The following KLHL42 variants were observed in gnomAD, a reference collection of about 807,000 sequenced individuals.
KLHL42 encodes the protein kelch-like protein 42.
KLHL42 carries 27 observed loss-of-function variants against 32.7 expected under a neutral mutation model. That is an observed-to-expected ratio of 0.83 (90% CI 0.61 to 1.14). The LOEUF is 1.14. Among genes scored for constraint, KLHL42 ranks in the 50% most tolerant of loss-of-function variants. KLHL42 has a pLI of 0.00. For synonymous variants in KLHL42, 267 were observed against 248.2 expected (o/e 1.08, Z -0.71); for missense variants, 491 against 560.8 (o/e 0.88, Z 1.26).
At chr12:27,794,859 C>G (rs568300738) in intron 2 of KLHL42, among the ~76,000 whole-genome samples, 1 of 151,242 alleles carries the variant, frequency 6.6e-6, no homozygotes, top group Admixed American at 6.6e-5. Flanking sequence ...CAATGTCCCT[C>G]TCTGGTGACT....
rs1180458528 is a variant in KLHL42 at position 27,801,338 on chromosome 12, A to G, written c.*3172A>G. Reference sequence around the variant, plus strand: ...TCAAGTAAATACCTGTTCTCTTTCAATGGACTGTTGCCTATTGAGCATTGT... The same window carrying G: ...TCAAGTAAATACCTGTTCTCTTTCAGTGGACTGTTGCCTATTGAGCATTGT... On this transcript the variant is annotated 3_prime_UTR_variant, in exon 3 of 3. Coordinates refer to ENST00000381271, the MANE Select transcript of KLHL42 (RefSeq NM_020782.2). 4 of 152,222 alleles carry G rather than the reference A, an allele frequency of 2.6e-5. No individual in the cohort carries two copies. Among genetic ancestry groups the G allele is most frequent in the East Asian group, 3.9e-4 (2 of 5,192 alleles). 9.4% of individuals were successfully genotyped at this position (152,222 alleles called of 1,614,324 possible). A position where few individuals can be genotyped will look rare whatever the true frequency, so the allele number is the denominator to read the frequency against.
rs772838163 is a variant in KLHL42, at chr12:27,795,888, A to G, written c.1067-1827A>G. On this transcript the variant is annotated intron_variant, in intron 2 of 2. Transcript: ENST00000381271. ...CAACTCAGGCCACCTTGTTGAGTGAAGAGAGAAAACATTTACAGAACACCT... is the reference window on the plus strand; with the variant it reads ...CAACTCAGGCCACCTTGTTGAGTGAGGAGAGAAAACATTTACAGAACACCT... 1.1e-4 allele frequency among the ~76,000 whole-genome samples: 17 copies of G among 152,200 alleles called. 1 individual carries two copies. The highest frequency in any genetic ancestry group is 2.1e-4 in the Non-Finnish European group (14 of 68,040).
chr12:27,793,395 T>A (rs1357399108), intron 2 of KLHL42, among the ~76,000 whole-genome samples: 1 of 151,272 alleles, frequency 6.6e-6, no homozygotes, highest in Admixed American at 6.6e-5. Flanking sequence ...ATAAAAAAAT[T>A]AGCTGGTTGT....
At position 27,802,434 on chromosome 12, in the gene KLHL42, G is replaced by A. The variant is rs963197688; in HGVS notation, c.*4268G>A. On this transcript the variant is annotated 3_prime_UTR_variant, in exon 3 of 3. Transcript: ENST00000381271. Reference sequence around the variant, plus strand: ...TACTGATGAAAAGGTGGTTGATTTTGCCTTGTGATAATTATCAAAGGATAG... The same window carrying A: ...TACTGATGAAAAGGTGGTTGATTTTACCTTGTGATAATTATCAAAGGATAG... The A allele has an allele frequency of 6.6e-6, 1 of 152,420 alleles. No homozygotes were observed. The highest frequency in any genetic ancestry group is 2.4e-5 in the African/African-American group (1 of 41,432). The allele number at this position is 152,420 out of a possible 1,614,324, so 9.4% of individuals were successfully genotyped here.
intron 1 of KLHL42, among the ~76,000 whole-genome samples, chr12:27,786,050 C>A (rs1425783238): frequency 6.6e-6 from 1 of 152,152 alleles, no homozygotes; most frequent in Non-Finnish European, 1.5e-5. Flanking sequence ...GGCTGTTAGG[C>A]AGGTTCCCAT....
At chr12:27,790,005 G>C (rs186440688) in intron 1 of KLHL42, among the ~76,000 whole-genome samples, 1 of 152,186 alleles carries the variant, frequency 6.6e-6, no homozygotes, top group African/African-American at 2.4e-5. Flanking sequence ...TAATGCATCA[G>C]TTTTATTGAA....
chr12:27,797,794 C>T lies in KLHL42; in HGVS notation c.1146C>T (p.Arg382=), dbSNP rs995207479. ...TLFETCDVHI[R]KQQMVSVEET... is the part of the protein sequence containing the mutation. ...TTGAAACATGTGACGTCCACATTCG[C>T]AAGCAGCAGATGGTGTCTGTGGAAG... is the stretch of plus-strand genomic sequence containing the variant. Residue 382 remains arginine, a synonymous_variant, in exon 3 of 3, where the codon CGC becomes CGT. Coordinates refer to ENST00000381271, the MANE Select transcript of KLHL42 (RefSeq NM_020782.2). The T allele has an allele frequency of 9.2e-6, 7 of 761,494 alleles. No individual in the cohort carries two copies. Among genetic ancestry groups the T allele is most frequent in the Admixed American group, 1.7e-5 (1 of 57,716 alleles). The allele number at this position is 761,494 out of a possible 1,614,324, so 47.2% of individuals were successfully genotyped here.
At chr12:27,786,012 A>G (rs532182974) in intron 1 of KLHL42, among the ~76,000 whole-genome samples, 1 of 152,316 alleles carries the variant, frequency 6.6e-6, no homozygotes, top group East Asian at 1.9e-4. Flanking sequence ...GCTGCTTTGC[A>G]TGAATTATCT....
rs1234168248 is a variant in KLHL42 at position 27,798,504 on chromosome 12, A to G, written c.*338A>G. 8.1e-6 allele frequency: 2 copies of G among 247,698 alleles called. No individual in the cohort carries two copies. The highest frequency in any genetic ancestry group is 1.6e-5 in the Non-Finnish European group (2 of 127,554). 15.3% of individuals were successfully genotyped at this position (247,698 alleles called of 1,614,324 possible). ...AAGTCAATAATTGGGACAAATGGTAAAGATGATTTTAAAATCTGTTGTATT... is the reference window on the plus strand; with the variant it reads ...AAGTCAATAATTGGGACAAATGGTAGAGATGATTTTAAAATCTGTTGTATT... On this transcript the variant is annotated 3_prime_UTR_variant, in exon 3 of 3. Transcript: ENST00000381271.
At chr12:27,781,549 A>C (rs1218498276) in intron 1 of KLHL42, among the ~76,000 whole-genome samples, 8 of 152,174 alleles carry the variant, frequency 5.3e-5, no homozygotes, top group Non-Finnish European at 1.2e-4. Flanking sequence ...AATTTGTCTT[A>C]GTTTTTAGGA....
intron 2 of KLHL42, among the ~76,000 whole-genome samples, chr12:27,796,533 G>GA (rs59545583): frequency 1 from 152,299 of 152,302 alleles, 76,148 homozygotes; most frequent in Middle Eastern, 1. Flanking sequence ...GAGGAGAAAA[G>GA]AAAAGAGAAC....
At position 27,797,882 on chromosome 12, in the gene KLHL42, AGCGAGGACAT is replaced by A; in HGVS notation, c.1237_1246del (p.Glu413SerfsTer27). 1 of 780,948 alleles carries A rather than the reference AGCGAGGACAT, an allele frequency of 1.3e-6. No homozygotes were observed. The highest frequency in any genetic ancestry group is 2.4e-6 in the Non-Finnish European group (1 of 418,088). The allele number at this position is 780,948 out of a possible 1,614,324, so 48.4% of individuals were successfully genotyped here. A position where few individuals can be genotyped will look rare whatever the true frequency, so the allele number is the denominator to read the frequency against. On this transcript the variant is annotated frameshift_variant, in exon 3 of 3. Coordinates refer to ENST00000381271, the MANE Select transcript of KLHL42 (RefSeq NM_020782.2). LOFTEE classifies it high-confidence loss of function. The stretch of plus-strand genomic sequence containing the variant: ...GGGGCCCAACCGCAGGAGCAGCCAG[AGCGAGGACAT>A]GCTCACCGTGCAGTCCTACAACACC...
intron 1 of KLHL42, among the ~76,000 whole-genome samples, chr12:27,781,773 A>G (rs1013429139): frequency 4.6e-5 from 7 of 152,200 alleles, no homozygotes; most frequent in Non-Finnish European, 1.0e-4. Context: ...CTGGACAGCC[A>G]TCGTCATGAC....
chr12:27,798,141 A>T lies in KLHL42; in HGVS notation c.1493A>T (p.Tyr498Phe), dbSNP rs1456526390. The T allele has an allele frequency of 1.3e-6, 1 of 780,136 alleles. No individual in the cohort carries two copies. The highest frequency in any genetic ancestry group is 2.4e-5 in the East Asian group (1 of 41,256). 48.3% of individuals were successfully genotyped at this position (780,136 alleles called of 1,614,324 possible). Residue 498 changes from tyrosine to phenylalanine, a missense_variant, in exon 3 of 3, where the codon TAT (tyrosine) becomes TTT (phenylalanine). By Grantham distance (22) the Tyr-to-Phe change is conservative. Transcript: ENST00000381271. The stretch of plus-strand genomic sequence containing the variant: ...CATAACTTGCTGGTTTCTTCTCTTT[A>T]TCTGCCCAATAAAGCAGAAACATGA... ...FGHNLLVSSL[Y>F]LPNKAET is the part of the protein sequence containing the mutation.
chr12:27,784,317 A>G (rs1028652373), intron 1 of KLHL42, among the ~76,000 whole-genome samples: 1 of 135,608 alleles, frequency 7.4e-6, no homozygotes, highest in African/African-American at 2.8e-5. Context: ...TTTTTTTTGT[A>G]TTTTTAGTAG....
At chr12:27,792,509 CTATT>C (rs1419082249) in intron 2 of KLHL42, among the ~76,000 whole-genome samples, 2 of 152,092 alleles carry the variant, frequency 1.3e-5, no homozygotes, top group Non-Finnish European at 2.9e-5. Flanking sequence ...GTTGTACTAT[CTATT>C]TATTTGTTTA....
At chr12:27,786,973 C>T (rs746917312) in intron 1 of KLHL42, among the ~76,000 whole-genome samples, 1 of 151,796 alleles carries the variant, frequency 6.6e-6, no homozygotes, top group Non-Finnish European at 1.5e-5. Flanking sequence ...GATCTGCCTG[C>T]CTTGGCCTCC....
chr12:27,787,507 A>G (rs1023529019), intron 1 of KLHL42: 1 of 153,948 alleles, frequency 6.5e-6, no homozygotes, highest in African/African-American at 2.4e-5. Context: ...AAAAAAAAAA[A>G]AAAAAAGCTT....
In KLHL42 at chr12:27,798,249, T is replaced by C; in HGVS notation, c.*83T>C. 1.5e-6 allele frequency: 1 copy of C among 688,586 alleles called. No homozygotes were observed. Among genetic ancestry groups the C allele is most frequent in the Non-Finnish European group, 2.6e-6 (1 of 382,372 alleles). The allele number at this position is 688,586 out of a possible 1,614,324, so 42.7% of individuals were successfully genotyped here. A position where few individuals can be genotyped will look rare whatever the true frequency, so the allele number is the denominator to read the frequency against. ...TCCCATTCCAAGGGAGACCAATTCC[T>C]AAAGGGTAAAGAAGGGTTAAAGTAG... On this transcript the variant is annotated 3_prime_UTR_variant, in exon 3 of 3. Transcript: ENST00000381271.
Sources: gnomAD v4.1 joint callset for allele counts (sites outside exome capture counted in the v4.1 genomes callset) on GRCh38, gnomAD v4.1.1 for gene constraint, MANE v1.5 for transcripts, NCBI Gene and HGNC (gene_info 2026-07-23, HGNC 2026-07-21) for gene names.